The following DYM variants were observed in gnomAD, a reference collection of about 807,000 sequenced individuals.
The protein encoded by DYM is dymeclin, also known as dyggve-Melchior-Clausen syndrome protein.
A neutral mutation model predicts 93.1 loss-of-function variants in DYM; 78 were observed. The observed-to-expected ratio is 0.84, with a 90% confidence interval of 0.70 to 1.01. The LOEUF (loss-of-function observed/expected upper bound fraction) is 1.01. Among genes scored for constraint, DYM ranks in the 50% least tolerant of loss-of-function variants. The pLI is 0.00. For synonymous variants in DYM, 321 were observed against 319.7 expected, an observed-to-expected ratio of 1.00 and a Z score of -0.04; for missense variants, 789 against 845.0, an observed-to-expected ratio of 0.93 and a Z score of 0.82.
chr18:49,223,228 T>C (rs954504729), intron 13 of DYM, among the ~76,000 whole-genome samples: 2 of 152,022 alleles, frequency 1.3e-5, no homozygotes, highest in Admixed American at 6.6e-5. Flanking sequence ...AAGATGTGAG[T>C]TGAATAGTTA....
In DYM at chr18:49,362,646, C is replaced by T. The variant is rs73445742; in HGVS notation, c.494+515G>A. On this transcript the variant is annotated intron_variant, in intron 6 of 17. Transcript: ENST00000675505. ...TGTTAAGATCAAAAAGATGTGCCTCCTAGCTGACTCAATCAGTTCCTTTTA... is the reference window on the plus strand; with the variant it reads ...TGTTAAGATCAAAAAGATGTGCCTCTTAGCTGACTCAATCAGTTCCTTTTA... Among the ~76,000 whole-genome samples, 922 of 152,262 alleles carry T rather than the reference C, an allele frequency of 6.1e-3. 3 individuals are homozygous for T. Among genetic ancestry groups the T allele is most frequent in the African/African-American group, 0.021 (869 of 41,564 alleles).
At chr18:49,421,658 C>T (rs536651531) in intron 2 of DYM, among the ~76,000 whole-genome samples, 3 of 152,310 alleles carry the variant, frequency 2.0e-5, no homozygotes, top group East Asian at 1.9e-4. Context: ...ATGACTTTGA[C>T]GAGTGGAGAG....
At chr18:49,348,119 G>A (rs1247211199) in intron 6 of DYM, among the ~76,000 whole-genome samples, 1 of 152,210 alleles carries the variant, frequency 6.6e-6, no homozygotes, top group African/African-American at 2.4e-5. Context: ...TGAAATGGGT[G>A]TTAGTGTTGG....
chr18:49,366,081 TA>T (rs34868435), intron 5 of DYM, among the ~76,000 whole-genome samples: 13,887 of 150,364 alleles, frequency 0.092, 861 homozygotes, highest in East Asian at 0.31. Context: ...TTCCATTCAC[TA>T]AAAAAAAAAT....
At chr18:49,116,144 G>A (rs2081905220) in intron 16 of DYM, 1 of 152,180 alleles carries the variant, frequency 6.6e-6, no homozygotes, top group Non-Finnish European at 1.5e-5. Context: ...CAAAGTGATG[G>A]CTTCTCATCA....
At chr18:49,457,795 TG>T (rs1305111224) in intron 1 of DYM, among the ~76,000 whole-genome samples, 8 of 152,204 alleles carry the variant, frequency 5.3e-5, no homozygotes, top group African/African-American at 1.9e-4. Flanking sequence ...ATTAGCTAAG[TG>T]GGCCTGATTT....
rs548610200 is a variant in DYM at position 49,327,147 on chromosome 18, C to A, written c.763+4717G>T. On this transcript the variant is annotated intron_variant, in intron 8 of 17. Transcript: ENST00000675505. ...GATAAAATGTTAACAATAAATCAAT[C>A]TGGATAAAGTTACATATAGTTTTTT... is the stretch of plus-strand genomic sequence containing the variant. Among the ~76,000 whole-genome samples, 7 of 151,782 alleles carry A rather than the reference C, an allele frequency of 4.6e-5. No individual in the cohort carries two copies. The East Asian group carries it at 1.4e-3, about 29-fold the overall frequency.
intron 13 of DYM, among the ~76,000 whole-genome samples, chr18:49,242,083 C>A (rs1008441239): frequency 7.9e-5 from 12 of 152,302 alleles, no homozygotes; most frequent in South Asian, 2.1e-4. Context: ...CCCCACCCCA[C>A]CATTCCACTG....
chr18:49,391,502 GTAAT>G, intron 3 of DYM, 87 bp downstream of exon 3: 1 of 1,258,160 alleles, frequency 7.9e-7, no homozygotes. Context: ...TCAAAGAAGA[GTAAT>G]TACTTCATTA....
chr18:49,219,457 A>G (rs1166234507), intron 13 of DYM, among the ~76,000 whole-genome samples: 1 of 152,188 alleles, frequency 6.6e-6, no homozygotes, highest in Non-Finnish European at 1.5e-5. Flanking sequence ...CAACCAAAAA[A>G]GAGAATTTTA....
chr18:49,284,007 G>A (rs2095056203), intron 9 of DYM, among the ~76,000 whole-genome samples: 1 of 152,016 alleles, frequency 6.6e-6, no homozygotes, highest in Admixed American at 6.6e-5. Context: ...TGCAAGGGAT[G>A]GCAAAAGGAA....
chr18:49,195,169 C>T (rs2091327673), intron 14 of DYM, among the ~76,000 whole-genome samples: 1 of 151,884 alleles, frequency 6.6e-6, no homozygotes, highest in African/African-American at 2.4e-5. Context: ...ATATATTTTC[C>T]CAACACTTTA....
At chr18:49,291,385 A>G (rs2060103032) in intron 8 of DYM, among the ~76,000 whole-genome samples, 1 of 152,236 alleles carries the variant, frequency 6.6e-6, no homozygotes, top group Non-Finnish European at 1.5e-5. Context: ...AATAGCCTAA[A>G]TATGTAATTT....
At chr18:49,235,653 G>C (rs2093837262) in intron 13 of DYM, among the ~76,000 whole-genome samples, 1 of 151,960 alleles carries the variant, frequency 6.6e-6, no homozygotes, top group African/African-American at 2.4e-5. Flanking sequence ...AGACCAGTCA[G>C]GGTCAGTAAT....
intron 2 of DYM, among the ~76,000 whole-genome samples, chr18:49,406,382 G>A (rs898371432): frequency 2.6e-5 from 4 of 151,980 alleles, no homozygotes; most frequent in East Asian, 3.9e-4. Context: ...CCAAAGTGGT[G>A]AAACCCCGTC....
intron 2 of DYM, among the ~76,000 whole-genome samples, chr18:49,408,957 AG>A (rs1350656437): frequency 6.6e-6 from 1 of 152,196 alleles, no homozygotes; most frequent in Non-Finnish European, 1.5e-5. Flanking sequence ...AACAAAATAC[AG>A]AAATATTCAG....
intron 17 of DYM, among the ~76,000 whole-genome samples, chr18:49,051,176 T>G (rs2144359460): frequency 6.6e-6 from 1 of 152,326 alleles, no homozygotes; most frequent in Middle Eastern, 3.4e-3. Flanking sequence ...GGTTTTCATG[T>G]CTTTCAAGTA....
intron 8 of DYM, among the ~76,000 whole-genome samples, chr18:49,325,359 T>G (rs141387290): frequency 2.0e-5 from 3 of 152,342 alleles, no homozygotes; most frequent in African/African-American, 7.2e-5. Context: ...ACATTCACTT[T>G]TGTTGTTATT....
rs192563986 is a variant in DYM, at chr18:49,265,039, C to T, written c.1252-6546G>A. On this transcript the variant is annotated intron_variant, in intron 11 of 17. Coordinates refer to ENST00000675505, the MANE Select transcript of DYM (RefSeq NM_001353214.3). ...TTAAATGCTTACCAAATTAGTAATA[C>T]CAAATATACTAGTCTCAAGCCTATG... 3.3e-5 allele frequency among the ~76,000 whole-genome samples: 5 copies of T among 152,272 alleles called. No homozygotes were observed. The East Asian group carries it at 9.6e-4, about 29-fold the overall frequency.
Sources: gnomAD v4.1 joint callset for allele counts (sites outside exome capture counted in the v4.1 genomes callset) on GRCh38, gnomAD v4.1.1 for gene constraint, MANE v1.5 for transcripts, NCBI Gene and HGNC (gene_info 2026-07-23, HGNC 2026-07-21) for gene names.